CNTN5: variants seen among roughly 807,000 people sequenced by gnomAD.
The protein encoded by CNTN5 is contactin-5.
CNTN5 carries 77 observed loss-of-function variants against 129.1 expected under a neutral mutation model. That is an observed-to-expected ratio of 0.60 (90% CI 0.50 to 0.72). The LOEUF (loss-of-function observed/expected upper bound fraction) is 0.72, where lower values mean the gene tolerates loss of function less well. CNTN5 is among the 30% of genes least tolerant of loss of function. The pLI, the probability that CNTN5 is intolerant of heterozygous loss-of-function variation, is 0.00. For synonymous variants in CNTN5, 509 were observed against 465.6 expected, an observed-to-expected ratio of 1.09 and a Z score of -1.20; for missense variants, 1,478 against 1,328.8, an observed-to-expected ratio of 1.11 and a Z score of -1.75.
chr11:99,483,906 T>A (rs1945704231), intron 2 of CNTN5, among the ~76,000 whole-genome samples: 2 of 151,460 alleles, frequency 1.3e-5, no homozygotes, highest in African/African-American at 2.4e-5. Flanking sequence ...AAAAATTAAC[T>A]CAAAATAAAT....
intron 13 of CNTN5, among the ~76,000 whole-genome samples, chr11:100,094,763 G>A (rs999925810): frequency 1.0e-3 from 95 of 95,080 alleles, no homozygotes; most frequent in African/African-American, 3.9e-3. Flanking sequence ...GAGGGAGGGA[G>A]GAAAGGAAGG....
intron 3 of CNTN5, among the ~76,000 whole-genome samples, chr11:99,642,235 T>C (rs975121196): frequency 6.6e-6 from 1 of 152,112 alleles, no homozygotes; most frequent in Non-Finnish European, 1.5e-5. Flanking sequence ...CAGAGAGAAA[T>C]TGAGAGTCCT....
At chr11:99,443,348 T>C (rs1445537170) in intron 2 of CNTN5, among the ~76,000 whole-genome samples, 2 of 152,216 alleles carry the variant, frequency 1.3e-5, no homozygotes, top group African/African-American at 4.8e-5. Context: ...TTCAGAAGGA[T>C]GCTGCATGGT....
intron 1 of CNTN5, among the ~76,000 whole-genome samples, chr11:99,138,684 T>C (rs1859358095): frequency 6.6e-6 from 1 of 152,146 alleles, no homozygotes; most frequent in South Asian, 2.1e-4. Context: ...ACCTACCTCA[T>C]TAGTTTGGTT....
intron 2 of CNTN5, among the ~76,000 whole-genome samples, chr11:99,423,064 C>T (rs1942970085): frequency 1.3e-5 from 2 of 152,168 alleles, no homozygotes; most frequent in African/African-American, 4.8e-5. Context: ...CAGCAAAATA[C>T]GGCAGAGAGA....
chr11:99,850,440 A>C (rs934766117), intron 6 of CNTN5, among the ~76,000 whole-genome samples: 24 of 152,290 alleles, frequency 1.6e-4, no homozygotes, highest in Non-Finnish European at 3.2e-4. Context: ...CAAAAATAAA[A>C]TTATATATAG....
At chr11:99,481,805 C>T (rs1210728534) in intron 2 of CNTN5, among the ~76,000 whole-genome samples, 1 of 152,122 alleles carries the variant, frequency 6.6e-6, no homozygotes, top group Non-Finnish European at 1.5e-5. Context: ...CTCCCCTGTG[C>T]CAGAAGTATA....
At chr11:99,094,727 T>C (rs1334880953) in intron 1 of CNTN5, among the ~76,000 whole-genome samples, 2 of 151,860 alleles carry the variant, frequency 1.3e-5, no homozygotes, top group Non-Finnish European at 2.9e-5. Context: ...AAGTCCGGGG[T>C]AGGTGGTAAA....
intron 1 of CNTN5, among the ~76,000 whole-genome samples, chr11:99,191,803 T>C (rs184083804): frequency 9.2e-5 from 14 of 151,718 alleles, no homozygotes; most frequent in Admixed American, 6.6e-4. Flanking sequence ...ACTTAAAGAA[T>C]AGAGCAAAAG....
At chr11:99,510,728 A>G (rs1344329093) in intron 2 of CNTN5, among the ~76,000 whole-genome samples, 1 of 152,184 alleles carries the variant, frequency 6.6e-6, no homozygotes, top group Middle Eastern at 3.2e-3. Flanking sequence ...TGTAAACAAA[A>G]CTATTGGACT....
intron 1 of CNTN5, among the ~76,000 whole-genome samples, chr11:99,088,703 T>G (rs902433163): frequency 6.6e-6 from 1 of 152,160 alleles, no homozygotes; most frequent in African/African-American, 2.4e-5. Flanking sequence ...ATCTAGGCAC[T>G]GAGTAGCCAA....
At chr11:99,056,087 G>C (rs1203480345) in intron 1 of CNTN5, among the ~76,000 whole-genome samples, 1 of 151,756 alleles carries the variant, frequency 6.6e-6, no homozygotes, top group African/African-American at 2.4e-5. Flanking sequence ...CTGTTTCATT[G>C]ATCTGATGTT....
At chr11:99,296,171 T>C (rs533707642) in intron 1 of CNTN5, among the ~76,000 whole-genome samples, 14 of 152,256 alleles carry the variant, frequency 9.2e-5, no homozygotes, top group African/African-American at 3.4e-4. Flanking sequence ...TTGGGAAAAG[T>C]TGTTCACATC....
At chr11:99,445,337 T>C (rs1167330032) in intron 2 of CNTN5, among the ~76,000 whole-genome samples, 1 of 152,080 alleles carries the variant, frequency 6.6e-6, no homozygotes, top group Non-Finnish European at 1.5e-5. Flanking sequence ...TAATAAATAC[T>C]ACTTTTTATT....
intron 3 of CNTN5, among the ~76,000 whole-genome samples, chr11:99,721,055 C>T (rs945973453): frequency 2.6e-5 from 4 of 152,048 alleles, no homozygotes; most frequent in East Asian, 3.9e-4. Flanking sequence ...TTAAAATGGC[C>T]GTACTGCCCA....
intron 3 of CNTN5, among the ~76,000 whole-genome samples, chr11:99,661,670 G>A (rs192826343): frequency 1.5e-3 from 222 of 151,736 alleles, no homozygotes; most frequent in Non-Finnish European, 1.0e-3. Flanking sequence ...ATTTGTTTGC[G>A]TTCACATCAT....
intron 6 of CNTN5, among the ~76,000 whole-genome samples, chr11:99,864,142 T>C (rs907017337): frequency 6.6e-6 from 1 of 152,178 alleles, no homozygotes; most frequent in Non-Finnish European, 1.5e-5. Flanking sequence ...AATGTTAATA[T>C]TACTGAAGTT....
Position 100,002,185 on chromosome 11 carries a change from G to T in CNTN5, c.980+49G>T, listed in dbSNP as rs200498629. 17 of 1,203,690 alleles carry T rather than the reference G, an allele frequency of 1.4e-5. No individual in the cohort carries two copies. In the African/African-American group the frequency reaches 2.4e-4, roughly 17 times the overall value. The allele number at this position is 1,203,690 out of a possible 1,614,324, so 74.6% of individuals were successfully genotyped here. ...TAAACACAATTTTTTATTAAAATGT[G>T]ACATATCTTATTTTTGGATCACTTA... On this transcript the variant is annotated intron_variant, in intron 9 of 24. Transcript: ENST00000524871.
chr11:99,119,208 A>T (rs773679719), intron 1 of CNTN5, among the ~76,000 whole-genome samples: 1 of 152,160 alleles, frequency 6.6e-6, no homozygotes, highest in Non-Finnish European at 1.5e-5. Flanking sequence ...AACCCAAGCC[A>T]TGGGGTTTTG....
Sources: gnomAD v4.1 joint callset for allele counts (sites outside exome capture counted in the v4.1 genomes callset) on GRCh38, gnomAD v4.1.1 for gene constraint, MANE v1.5 for transcripts, NCBI Gene and HGNC (gene_info 2026-07-23, HGNC 2026-07-21) for gene names.